Variants in SHMT1 observed in about 807,000 individuals in gnomAD.
SHMT1 encodes serine hydroxymethyltransferase, cytosolic.
Under a neutral mutation model 49.0 loss-of-function variants are expected in SHMT1, and 45 were observed. The ratio of observed to expected loss-of-function variants is 0.92; its 90% confidence interval spans 0.72 to 1.18. SHMT1 has a LOEUF of 1.18. Ranked by LOEUF, SHMT1 falls within the 50% of genes most tolerant of loss-of-function variation. The pLI is 0.00. For missense variants in SHMT1, 541 were observed against 612.4 expected (o/e 0.88, Z 1.23); for synonymous variants, 232 against 246.6 (o/e 0.94, Z 0.55).
intron 1 of SHMT1, among the ~76,000 whole-genome samples, chr17:18,356,493 G>C (rs573529505): frequency 6.6e-5 from 10 of 152,142 alleles, no homozygotes; most frequent in Non-Finnish European, 1.2e-4. Flanking sequence ...GCGCCACTAC[G>C]CCTGGCTAAT....
rs1396225850 is a variant in SHMT1, at chr17:18,327,900, G to T, written c.*850C>A. On this transcript the variant is annotated 3_prime_UTR_variant, in exon 12 of 12. Coordinates refer to ENST00000316694, the MANE Select transcript of SHMT1 (RefSeq NM_004169.5). ...CTTTTTAAGAAATTAATTTATTTGA[G>T]TTCAAATATTTTTGAAATATAAAAA... 5 of 152,548 alleles carry T rather than the reference G, an allele frequency of 3.3e-5. No individual in the cohort carries two copies. The allele number at this position is 152,548 out of a possible 1,614,324, so 9.4% of individuals were successfully genotyped here. A position where few individuals can be genotyped will look rare whatever the true frequency, so the allele number is the denominator to read the frequency against.
intron 5 of SHMT1, among the ~76,000 whole-genome samples, chr17:18,342,398 C>A (rs1369501609): frequency 6.6e-6 from 1 of 151,980 alleles, no homozygotes; most frequent in Non-Finnish European, 1.5e-5. Context: ...CTCATTGCAA[C>A]CTCTACCTCC....
At position 18,351,645 on chromosome 17, in the gene SHMT1, G is replaced by A. The variant is rs149203883; in HGVS notation, c.242+2027C>T. Among the ~76,000 whole-genome samples the A allele has an allele frequency of 5.4e-3, 821 of 152,012 alleles. 6 individuals are homozygous for A. The highest frequency in any genetic ancestry group is 7.3e-3 in the South Asian group (35 of 4,814). On this transcript the variant is annotated intron_variant, in intron 3 of 11. Transcript: ENST00000316694. ...ATAAGTTAGTCGGGTGTGGTGGCACGTGCCTATAGTCCCAGCTACTTGGGA... is the reference window on the plus strand; with the variant it reads ...ATAAGTTAGTCGGGTGTGGTGGCACATGCCTATAGTCCCAGCTACTTGGGA...
chr17:18,328,723 A>T lies in SHMT1; in HGVS notation c.*27T>A, dbSNP rs772559016. 1.9e-6 allele frequency: 3 copies of T among 1,550,972 alleles called. No individual in the cohort carries two copies. In the South Asian group the frequency reaches 3.5e-5, roughly 18 times the overall value. On this transcript the variant is annotated 3_prime_UTR_variant, in exon 12 of 12. Transcript: ENST00000316694. ...GGCAGGCAGCTTCCTCTGTGGCGCC[A>T]GGTGGGTCCAGAGTGGGCCCGCTCC...
At chr17:18,341,185 T>G in intron 5 of SHMT1, 1 of 270,842 alleles carries the variant, frequency 3.7e-6, no homozygotes, top group Admixed American at 4.9e-5. Context: ...CCAAGTATAA[T>G]GAGGCAAGAA....
chr17:18,361,315 A>AC (rs1280804415), intron 1 of SHMT1, among the ~76,000 whole-genome samples: 10 of 149,416 alleles, frequency 6.7e-5, no homozygotes, highest in Middle Eastern at 3.4e-3. Context: ...AAAAAAAAAA[A>AC]CAAAAACAAA....
intron 10 of SHMT1, among the ~76,000 whole-genome samples, chr17:18,329,894 C>T (rs997208952): frequency 6.6e-6 from 1 of 152,202 alleles, no homozygotes; most frequent in African/African-American, 2.4e-5. Flanking sequence ...GACGGAGTCT[C>T]ACTGTCGCCT....
chr17:18,331,839 C>T (rs1054845013), intron 9 of SHMT1: 2 of 152,190 alleles, frequency 1.3e-5, no homozygotes, highest in Non-Finnish European at 2.9e-5. Context: ...TCACGGATGG[C>T]ATCGGGGGAT....
intron 7 of SHMT1, 56 bp from the exon 8 acceptor site, chr17:18,335,731 T>C (rs1983721993): frequency 1.6e-6 from 2 of 1,285,468 alleles, no homozygotes; most frequent in East Asian, 4.6e-5. Flanking sequence ...TCTTTTTCTT[T>C]TTAGGCTCAA....
At chr17:18,357,011 G>A (rs958463331) in intron 1 of SHMT1, among the ~76,000 whole-genome samples, 3 of 152,054 alleles carry the variant, frequency 2.0e-5, no homozygotes, top group African/African-American at 7.2e-5. Flanking sequence ...GCCGGGCACG[G>A]TGGCTCACGC....
chr17:18,333,053 A>G (rs763183847), intron 9 of SHMT1, 113 bp downstream of exon 9: 3 of 1,380,248 alleles, frequency 2.2e-6, no homozygotes, highest in South Asian at 2.4e-5. Flanking sequence ...AGGTGGGCCC[A>G]TCATTGCAGC....
rs147177630 is a variant in SHMT1 at position 18,329,741 on chromosome 17, G to C, written c.1172-353C>G. Among the ~76,000 whole-genome samples the C allele has an allele frequency of 1.3e-3, 194 of 152,260 alleles. 1 individual carries two copies. Among genetic ancestry groups the C allele is most frequent in the Middle Eastern group, 0.01 (3 of 294 alleles). The stretch of plus-strand genomic sequence containing the variant: ...GAGGCCCTGACCTCCCTCATCTGAT[G>C]AATGTACCACCTCCAACAGCTCTAC... On this transcript the variant is annotated intron_variant, in intron 10 of 11. Transcript: ENST00000316694.
chr17:18,346,551 C>T (rs934646283), intron 5 of SHMT1, among the ~76,000 whole-genome samples: 13 of 152,088 alleles, frequency 8.5e-5, no homozygotes, highest in African/African-American at 2.9e-4. Flanking sequence ...GGGCTGGCTG[C>T]GTTATCAGGT....
At chr17:18,351,655 T>A (rs935127701) in intron 3 of SHMT1, among the ~76,000 whole-genome samples, 1 of 151,864 alleles carries the variant, frequency 6.6e-6, no homozygotes, top group African/African-American at 2.4e-5. Context: ...GTGCCTATAG[T>A]CCCAGCTACT....
At position 18,328,209 on chromosome 17, in the gene SHMT1, C is replaced by T. The variant is rs201618200; in HGVS notation, c.*541G>A. 26 of 163,404 alleles carry T rather than the reference C, an allele frequency of 1.6e-4. No individual in the cohort carries two copies. The East Asian group carries it at 3.9e-3, about 24-fold the overall frequency. The allele number at this position is 163,404 out of a possible 1,614,324, so 10.1% of individuals were successfully genotyped here. The stretch of plus-strand genomic sequence containing the variant: ...ACTTTGAGCTACTGACAGCAAAACC[C>T]TCCCACCATACTGGGTGCATCTTGT... On this transcript the variant is annotated 3_prime_UTR_variant, in exon 12 of 12. Transcript: ENST00000316694.
chr17:18,332,774 G>A (rs770318055), intron 9 of SHMT1: 13 of 321,494 alleles, frequency 4.0e-5, no homozygotes, highest in East Asian at 3.1e-4. Context: ...CCAGCTCAGC[G>A]GGGTGAGAGA....
Position 18,340,976 on chromosome 17 carries a change from A to G in SHMT1, c.520-163T>C, listed in dbSNP as rs892049067. ...GGATACTGGTGTGTTCAGCCTGCTC[A>G]ACCAAGTATGGCTCACAGACCCAGG... On this transcript the variant is annotated intron_variant, in intron 5 of 11. Coordinates refer to ENST00000316694, the MANE Select transcript of SHMT1 (RefSeq NM_004169.5). This position sits in a 1 kb window ranked among gnomAD's most constrained non-coding sequence, Gnocchi z 4.5. 5.9e-5 allele frequency: 39 copies of G among 663,382 alleles called. No homozygotes were observed. The Admixed American group carries it at 6.7e-4, about 11-fold the overall frequency. The allele number at this position is 663,382 out of a possible 1,614,324, so 41.1% of individuals were successfully genotyped here.
At chr17:18,335,728 C>G (rs916712045) in intron 7 of SHMT1, 53 bp from the exon 8 acceptor site, 2 of 1,304,378 alleles carry the variant, frequency 1.5e-6, no homozygotes, top group Admixed American at 3.4e-5. Context: ...CCCTCTTTTT[C>G]TTTTTAGGCT....
intron 11 of SHMT1, 27 bp from the exon 12 acceptor site, chr17:18,328,946 C>T (rs369473431): frequency 7.5e-5 from 121 of 1,613,068 alleles, no homozygotes; most frequent in Middle Eastern, 5.2e-4. Flanking sequence ...AAATGAGTCA[C>T]CCCACACTAC....
Sources: allele counts gnomAD v4.1 joint callset (sites outside exome capture counted in the v4.1 genomes callset), GRCh38; gene constraint gnomAD v4.1.1; non-coding constraint Gnocchi (gnomAD v3.1); transcripts MANE v1.5; gene names NCBI Gene and HGNC (gene_info 2026-07-23, HGNC 2026-07-21).